Variants in SYTL2 observed in about 807,000 individuals in gnomAD.
SYTL2 encodes the protein synaptotagmin-like protein 2.
Under a neutral mutation model 198.7 loss-of-function variants are expected in SYTL2, and 165 were observed. That is an observed-to-expected ratio of 0.83 (90% CI 0.73 to 0.94). The LOEUF (loss-of-function observed/expected upper bound fraction) is 0.94. Among genes scored for constraint, SYTL2 ranks in the 40% least tolerant of loss-of-function variants. SYTL2 has a pLI of 0.00. For synonymous variants in SYTL2, 966 were observed against 917.7 expected, an observed-to-expected ratio of 1.05 and a Z score of -0.95; for missense variants, 2,835 against 2,582.8, an observed-to-expected ratio of 1.10 and a Z score of -2.12.
At chr11:85,832,095 A>C in the SYTL2 span, among the ~76,000 whole-genome samples, 1 of 152,190 alleles carries the variant, frequency 6.6e-6, no homozygotes, top group Non-Finnish European at 1.5e-5. Context: ...AGTATGCTGA[A>C]ATTGCATATG....
At chr11:85,802,736 A>G (rs1325039954) in intron 1 of SYTL2, among the ~76,000 whole-genome samples, 2 of 152,364 alleles carry the variant, frequency 1.3e-5, no homozygotes, top group African/African-American at 4.8e-5. Flanking sequence ...TATGCAAGAC[A>G]CAAAGTCAGA....
chr11:85,765,763 T>C (rs1356044006), intron 1 of SYTL2, among the ~76,000 whole-genome samples: 2 of 152,174 alleles, frequency 1.3e-5, no homozygotes, highest in Non-Finnish European at 2.9e-5. Context: ...CTACCTTATC[T>C]GACAATTCCC....
At chr11:85,731,848 A>G (rs2089863834) in intron 7 of SYTL2, among the ~76,000 whole-genome samples, 1 of 152,230 alleles carries the variant, frequency 6.6e-6, no homozygotes, top group South Asian at 2.1e-4. Context: ...ACAAAGGGCT[A>G]ATATACAGAA....
At position 85,725,378 on chromosome 11, in the gene SYTL2, G is replaced by C. The variant is rs773677418; in HGVS notation, c.3980C>G (p.Pro1327Arg). The C allele has an allele frequency of 2.7e-5, 43 of 1,613,838 alleles. No individual in the cohort carries two copies. In the Middle Eastern group the frequency reaches 4.9e-4, roughly 19 times the overall value. The change falls in exon 8 of 20, where the codon CCT (proline) becomes CGT (arginine). Residue 1327 changes from proline (P) to arginine (R), a missense_variant. Physicochemically the swap from Pro to Arg is moderately radical, Grantham distance 103 (BLOSUM62 -2). Around this residue, in one of 3 missense-constraint regions of SYTL2, gnomAD observed 2,645 missense variants for 2,381.7 expected, o/e 1.11. Coordinates refer to ENST00000359152, the MANE Select transcript of SYTL2 (RefSeq NM_206927.4). ...CTGGGGAAAAAGCATATCTTGGGGA[G>C]GGCTGGCCACATCCCCAAAAGAACC... The part of the protein sequence containing the change: ...RKGSFGDVAS[P>R]PQDMLFPQDA...
At chr11:85,813,135 A>G (rs2093056835), upstream of SYTL2, among the ~76,000 whole-genome samples, 1 of 152,162 alleles carries the variant, frequency 6.6e-6, no homozygotes, top group Non-Finnish European at 1.5e-5. Flanking sequence ...TGGGGCAGGC[A>G]AGTGGGGGAG....
At chr11:85,850,681 T>C in the SYTL2 span, among the ~76,000 whole-genome samples, 2 of 151,324 alleles carry the variant, frequency 1.3e-5, no homozygotes, top group African/African-American at 2.4e-5. Flanking sequence ...ACTGGGTATA[T>C]ACCCAAATGA....
chr11:85,852,868 C>T, the SYTL2 span: 1 of 245,404 alleles, frequency 4.1e-6, no homozygotes. Flanking sequence ...CTCTGCCCGC[C>T]TGCCCAGTCT....
the SYTL2 span, among the ~76,000 whole-genome samples, chr11:85,846,806 T>C: frequency 2.7e-5 from 4 of 148,090 alleles, no homozygotes; most frequent in African/African-American, 1.0e-4. Flanking sequence ...CAGTCTCGCC[T>C]CACTGCAACC....
intron 14 of SYTL2, among the ~76,000 whole-genome samples, chr11:85,707,829 G>A (rs1433819859): frequency 6.6e-6 from 1 of 151,880 alleles, no homozygotes; most frequent in East Asian, 1.9e-4. Flanking sequence ...ACACTTCCAG[G>A]CCAGGCACGG....
At chr11:85,733,269 C>T (rs1186402662) in intron 7 of SYTL2, among the ~76,000 whole-genome samples, 1 of 152,210 alleles carries the variant, frequency 6.6e-6, no homozygotes, top group Non-Finnish European at 1.5e-5. Flanking sequence ...AGTAATAATA[C>T]ATTTACCCTG....
rs756919529 is a variant in SYTL2 at position 85,724,941 on chromosome 11, T to C, written c.4417A>G (p.Lys1473Glu). ...TCTTCCACTTCCTGAGGGAGGCCTTTGCCATATTGAGCAACAATGGAAGCA... is the reference window on the plus strand; with the variant it reads ...TCTTCCACTTCCTGAGGGAGGCCTTCGCCATATTGAGCAACAATGGAAGCA... ...SFASIVAQYG[K>E]GLPQEVEEIV... Residue 1473 changes from lysine (K) to glutamate (E), a missense_variant, in exon 8 of 20, where the codon AAA becomes GAA. Coordinates refer to ENST00000359152, the MANE Select transcript of SYTL2 (RefSeq NM_206927.4). 6.2e-7 allele frequency: 1 copy of C among 1,614,020 alleles called. No homozygotes were observed. Among genetic ancestry groups the C allele is most frequent in the South Asian group, 1.1e-5 (1 of 91,028 alleles).
intron 1 of SYTL2, among the ~76,000 whole-genome samples, chr11:85,781,731 C>T (rs1486885324): frequency 1.3e-5 from 2 of 152,194 alleles, no homozygotes; most frequent in South Asian, 2.1e-4. Flanking sequence ...GTCCAAAATC[C>T]AGTAGGGCAG....
chr11:85,758,075 G>C lies in SYTL2; in HGVS notation c.-350C>G, dbSNP rs536436919. On this transcript the variant is annotated 5_prime_UTR_variant, in exon 2 of 20. Coordinates refer to ENST00000359152, the MANE Select transcript of SYTL2 (RefSeq NM_206927.4). ...AGTTTATTCTCTCTCTGCACCTGTCGTCAATTCATAAGAGGCAGCAGCATC... is the reference window on the plus strand; with the variant it reads ...AGTTTATTCTCTCTCTGCACCTGTCCTCAATTCATAAGAGGCAGCAGCATC... 5.0e-6 allele frequency: 1 copy of C among 198,164 alleles called. No homozygotes were observed. The highest frequency in any genetic ancestry group is 1.1e-4 in the East Asian group (1 of 8,918). 12.3% of individuals were successfully genotyped at this position (198,164 alleles called of 1,614,324 possible).
intron 1 of SYTL2, among the ~76,000 whole-genome samples, chr11:85,796,410 T>A (rs2092805184): frequency 6.6e-6 from 1 of 152,230 alleles, no homozygotes; most frequent in South Asian, 2.1e-4. Flanking sequence ...CTCCCCTGAT[T>A]TAGAGAAATA....
At chr11:85,812,531 GGTAA>G (rs1177870202), upstream of SYTL2, among the ~76,000 whole-genome samples, 4 of 152,232 alleles carry the variant, frequency 2.6e-5, no homozygotes, top group East Asian at 1.9e-4. Flanking sequence ...TTCATTTTAG[GGTAA>G]GTGTTATAAT....
rs776515662 is a variant in SYTL2, at chr11:85,725,878, C to A, written c.3480G>T (p.Val1160=). The change falls in exon 8 of 20, where the codon GTG becomes GTT. Residue 1160 remains valine, a synonymous_variant. Transcript: ENST00000359152. The part of the protein sequence containing the change: ...PSGGKVHGKQ[V]LEPSVSENRT... ...TATTTTCAGAAACACTTGGTTCAAG[C>A]ACTTGTTTTCCATGAACTTTTCCAC... 1 of 1,613,734 alleles carries A rather than the reference C, an allele frequency of 6.2e-7. No homozygotes were observed. Among genetic ancestry groups the A allele is most frequent in the African/African-American group, 1.3e-5 (1 of 75,014 alleles).
At chr11:85,822,157 G>A in the SYTL2 span, among the ~76,000 whole-genome samples, 1 of 152,186 alleles carries the variant, frequency 6.6e-6, no homozygotes, top group African/African-American at 2.4e-5. Context: ...GAAGGGATTC[G>A]CACCCTAGTC....
chr11:85,734,520 G>A lies in SYTL2; in HGVS notation c.809C>T (p.Pro270Leu), dbSNP rs775864369. The change falls in exon 7 of 20, where the codon CCG becomes CTG. Residue 270 changes from proline to leucine, a missense_variant. Pro to Leu is a moderately conservative substitution (Grantham distance 98, BLOSUM62 -3). This residue lies in a region of SYTL2 where 2,645 missense variants were observed against 2,381.7 expected (regional missense o/e 1.11). Transcript: ENST00000359152. ...GGAGTTGCGCTTGAGGATCCCTCTC[G>A]GAGCCCCTCTCGCTTTCAGGGAGTC... ...RTDSLKARGAPRGILKRNSSS... is the reference protein window; with the variant it reads ...RTDSLKARGALRGILKRNSSS... 27 of 1,614,058 alleles carry A rather than the reference G, an allele frequency of 1.7e-5. No homozygotes were observed. The highest frequency in any genetic ancestry group is 1.1e-4 in the East Asian group (5 of 44,896).
At chr11:85,850,209 G>C in the SYTL2 span, among the ~76,000 whole-genome samples, 274 of 148,996 alleles carry the variant, frequency 1.8e-3, no homozygotes, top group Non-Finnish European at 2.3e-3. Flanking sequence ...GGGTTTTCTA[G>C]ATATACAATC....
Sources: gnomAD v4.1 joint callset for allele counts (sites outside exome capture counted in the v4.1 genomes callset) on GRCh38, gnomAD v4.1.1 for gene constraint, gnomAD v4.1.1 regional missense constraint, MANE v1.5 for transcripts, NCBI Gene and HGNC (gene_info 2026-07-23, HGNC 2026-07-21) for gene names.